SMAD5: variants seen among roughly 807,000 people sequenced by gnomAD.
SMAD5 encodes the protein MAD, mothers against decapentaplegic homolog 5.
A neutral mutation model predicts 43.1 loss-of-function variants in SMAD5; 9 were observed. The observed-to-expected ratio is 0.21, with a 90% confidence interval of 0.13 to 0.36. The LOEUF is 0.36. SMAD5 is among the 10% of genes least tolerant of loss of function. The probability of loss-of-function intolerance (pLI) is 1.00; values close to 1 mark genes in which losing one functional copy is unlikely to be tolerated. For missense variants in SMAD5, 348 were observed against 574.0 expected (o/e 0.61, Z 4.02); for synonymous variants, 190 against 192.4 (o/e 0.99, Z 0.10).
At chr5:136,174,300 T>C (rs1213219181) in intron 6 of SMAD5, 76 bp from the exon 7 acceptor site, 20 of 1,400,018 alleles carry the variant, frequency 1.4e-5, no homozygotes, top group Non-Finnish European at 1.9e-5. Flanking sequence ...TGGGTACTTT[T>C]GTTGCACCAT....
chr5:136,139,126 CTCTGTGTGTGTG>C (rs1262956958), intron 1 of SMAD5, among the ~76,000 whole-genome samples: 6 of 139,964 alleles, frequency 4.3e-5, no homozygotes, highest in Admixed American at 4.1e-4. Context: ...TAGCTGTGAG[CTCTGTGTGTGTG>C]TGTGTGTGTG....
At chr5:136,161,981 T>C (rs1753839805) in intron 4 of SMAD5, among the ~76,000 whole-genome samples, 1 of 152,206 alleles carries the variant, frequency 6.6e-6, no homozygotes, top group Admixed American at 6.5e-5. Flanking sequence ...TCTTCTAATA[T>C]TAAACATTGA....
rs187899366 is a variant in SMAD5 at position 136,179,499 on chromosome 5, A to G, written c.*2019A>G. On this transcript the variant is annotated 3_prime_UTR_variant, in exon 8 of 8. Coordinates refer to ENST00000545279, the MANE Select transcript of SMAD5 (RefSeq NM_005903.7). ...AAAAAGCATTTTCGAGGAAAGAATT[A>G]TGCAATTTCTTTTGTTTTCTGTGTC... The G allele has an allele frequency of 6.6e-6, 1 of 152,396 alleles. No individual in the cohort carries two copies. The highest frequency in any genetic ancestry group is 6.6e-5 in the Admixed American group (1 of 15,262). The allele number at this position is 152,396 out of a possible 1,614,324, so 9.4% of individuals were successfully genotyped here. A position where few individuals can be genotyped will look rare whatever the true frequency, so the allele number is the denominator to read the frequency against.
intron 3 of SMAD5, among the ~76,000 whole-genome samples, chr5:136,158,867 C>G (rs1753732049): frequency 6.6e-6 from 1 of 151,636 alleles, no homozygotes; most frequent in African/African-American, 2.4e-5. Context: ...CCAGTGCACT[C>G]CAGCCTGGGC....
chr5:136,173,646 T>A (rs1754300841), intron 6 of SMAD5, among the ~76,000 whole-genome samples: 1 of 152,066 alleles, frequency 6.6e-6, no homozygotes, highest in African/African-American at 2.4e-5. Flanking sequence ...AATTCTAGAA[T>A]CAGTTTTTTC....
intron 1 of SMAD5, among the ~76,000 whole-genome samples, chr5:136,137,278 C>CCCG (rs911088717): frequency 2.7e-5 from 4 of 149,962 alleles, no homozygotes; most frequent in African/African-American, 9.9e-5. Context: ...GGACCCCCCC[C>CCCG]CGCATCTCTT....
intron 3 of SMAD5, among the ~76,000 whole-genome samples, chr5:136,158,661 A>C (rs1753722656): frequency 2.0e-5 from 3 of 152,172 alleles, no homozygotes; most frequent in Admixed American, 2.0e-4. Flanking sequence ...GCACTTTGGG[A>C]GGCCGAGGTG....
chr5:136,165,185 C>T (rs1227455129), intron 5 of SMAD5, among the ~76,000 whole-genome samples: 1 of 151,902 alleles, frequency 6.6e-6, no homozygotes, highest in African/African-American at 2.4e-5. Flanking sequence ...CTTGCTCTGT[C>T]ATGTCCAGAC....
rs766404143 is a variant in SMAD5 at position 136,154,166 on chromosome 5, AG to A, written c.403+5del. The A allele has an allele frequency of 4.3e-5, 65 of 1,514,776 alleles. No individual in the cohort carries two copies. The highest frequency in any genetic ancestry group is 5.5e-5 in the Non-Finnish European group (63 of 1,136,742). 93.8% of individuals were successfully genotyped at this position (1,514,776 alleles called of 1,614,324 possible). ...CTATAAGAGAGTGGAGAGTCCAGGT[AG>A]GTCTTATTCCTGAGAAGAATTTGGA... is the stretch of plus-strand genomic sequence containing the variant. On this transcript the variant is annotated splice_donor_region_variant and intron_variant, in intron 3 of 7. Coordinates refer to ENST00000545279, the MANE Select transcript of SMAD5 (RefSeq NM_005903.7).
At chr5:136,142,099 A>G (rs560705267) in intron 1 of SMAD5, among the ~76,000 whole-genome samples, 3 of 152,342 alleles carry the variant, frequency 2.0e-5, no homozygotes, top group African/African-American at 4.8e-5. Context: ...TTTATTGAGC[A>G]TATGTATCAC....
intron 5 of SMAD5, among the ~76,000 whole-genome samples, chr5:136,165,316 T>C (rs900945458): frequency 6.6e-6 from 1 of 152,040 alleles, no homozygotes; most frequent in African/African-American, 2.4e-5. Flanking sequence ...CTTGGCCAAT[T>C]TTTTTGTTGT....
At chr5:136,149,115 G>A (rs1444564123) in intron 2 of SMAD5, among the ~76,000 whole-genome samples, 2 of 151,810 alleles carry the variant, frequency 1.3e-5, no homozygotes, top group Non-Finnish European at 2.9e-5. Context: ...GGAATAATGT[G>A]TAATCTTTCC....
chr5:136,145,613 C>T (rs1753233840), intron 1 of SMAD5, among the ~76,000 whole-genome samples: 1 of 151,882 alleles, frequency 6.6e-6, no homozygotes. Context: ...TAAAGGATCC[C>T]AACCATTTAT....
intron 2 of SMAD5, among the ~76,000 whole-genome samples, chr5:136,151,010 C>T (rs541886921): frequency 2.8e-4 from 42 of 151,856 alleles, no homozygotes; most frequent in Non-Finnish European, 5.0e-4. Flanking sequence ...TGTTTCATTT[C>T]CAGGCATATT....
intron 1 of SMAD5, among the ~76,000 whole-genome samples, chr5:136,146,338 A>T (rs1157182705): frequency 6.6e-6 from 1 of 151,848 alleles, no homozygotes; most frequent in Non-Finnish European, 1.5e-5. Flanking sequence ...GATTTTCTCT[A>T]TTACTGGAAT....
intron 3 of SMAD5, among the ~76,000 whole-genome samples, chr5:136,154,927 C>T (rs1417285598): frequency 6.6e-6 from 1 of 152,166 alleles, no homozygotes; most frequent in Non-Finnish European, 1.5e-5. Flanking sequence ...TCCTGGTTCT[C>T]CTACCTCACT....
Position 136,153,639 on chromosome 5 carries a change from T to A in SMAD5, c.-122T>A. 1.4e-6 allele frequency: 1 copy of A among 736,900 alleles called. No individual in the cohort carries two copies. The highest frequency in any genetic ancestry group is 2.9e-5 in the Admixed American group (1 of 34,202). 45.6% of individuals were successfully genotyped at this position (736,900 alleles called of 1,614,324 possible). On this transcript the variant is annotated 5_prime_UTR_variant, in exon 3 of 8. It introduces an in-frame stop codon into an upstream open reading frame of the 5' UTR. Transcript: ENST00000545279. ...ATATGGCACTTGTGAAGATAAATGT[T>A]ACTCCTCCCTTTTTAATTGGAACTT...
At chr5:136,169,836 T>C (rs547777265) in intron 5 of SMAD5, among the ~76,000 whole-genome samples, 3 of 152,320 alleles carry the variant, frequency 2.0e-5, no homozygotes, top group African/African-American at 7.2e-5. Flanking sequence ...TAGTATCTCA[T>C]AGTTGTTTTA....
At chr5:136,150,000 C>G (rs965212741) in intron 2 of SMAD5, among the ~76,000 whole-genome samples, 8 of 151,774 alleles carry the variant, frequency 5.3e-5, no homozygotes, top group African/African-American at 1.9e-4. Flanking sequence ...TCTTTAAACT[C>G]TCCCATATGT....
Sources: allele counts gnomAD v4.1 joint callset (sites outside exome capture counted in the v4.1 genomes callset), GRCh38; gene constraint gnomAD v4.1.1; transcripts MANE v1.5; gene names NCBI Gene and HGNC (gene_info 2026-07-23, HGNC 2026-07-21).